MGAT4C: variants seen among roughly 807,000 people sequenced by gnomAD.
The protein encoded by MGAT4C is alpha-1,3-mannosyl-glycoprotein 4-beta-N-acetylglucosaminyltransferase C.
In MGAT4C, 19 loss-of-function variants were observed where a neutral mutation model predicts 40.1. The observed-to-expected ratio is 0.47, with a 90% CI of 0.33 to 0.70. The LOEUF (loss-of-function observed/expected upper bound fraction) is 0.70. Ranked by LOEUF, MGAT4C falls within the 30% of genes least tolerant of loss-of-function variation. The pLI, the probability that MGAT4C is intolerant of heterozygous loss-of-function variation, is 0.02. For missense variants in MGAT4C, 491 were observed against 563.2 expected (o/e 0.87, Z 1.30); for synonymous variants, 181 against 187.1 (o/e 0.97, Z 0.27).
At chr12:86,418,842 A>G (rs1956769353) in intron 3 of MGAT4C, among the ~76,000 whole-genome samples, 1 of 152,056 alleles carries the variant, frequency 6.6e-6, no homozygotes, top group South Asian at 2.1e-4. Context: ...TAGGGAAGGA[A>G]AGAAAATTGA....
chr12:86,534,857 A>G (rs1052492344), intron 2 of MGAT4C, among the ~76,000 whole-genome samples: 3 of 152,050 alleles, frequency 2.0e-5, no homozygotes, highest in African/African-American at 7.2e-5. Flanking sequence ...ATGCTGCTTT[A>G]TGTTTGCAAA....
At chr12:86,457,180 T>C (rs1043616168) in intron 2 of MGAT4C, among the ~76,000 whole-genome samples, 1 of 152,140 alleles carries the variant, frequency 6.6e-6, no homozygotes, top group African/African-American at 2.4e-5. Context: ...ATTTAATATA[T>C]CATCCTTTTT....
chr12:86,467,630 A>G (rs1013262020), intron 2 of MGAT4C, among the ~76,000 whole-genome samples: 3 of 152,194 alleles, frequency 2.0e-5, no homozygotes, highest in African/African-American at 7.2e-5. Flanking sequence ...TATTGCAAAA[A>G]TAAATGCAGA....
At chr12:86,396,630 A>G (rs1000864971) in intron 3 of MGAT4C, among the ~76,000 whole-genome samples, 15 of 152,184 alleles carry the variant, frequency 9.9e-5, no homozygotes, top group Non-Finnish European at 1.6e-4. Context: ...GGGGAGAAGG[A>G]GTGAGATAGG....
At chr12:86,209,311 A>G (rs958300313) in intron 1 of MGAT4C, among the ~76,000 whole-genome samples, 4 of 152,084 alleles carry the variant, frequency 2.6e-5, no homozygotes, top group African/African-American at 9.6e-5. Flanking sequence ...CTTCTGAAAA[A>G]AAATCTCTAA....
chr12:86,620,884 A>T (rs1311971102), intron 2 of MGAT4C, among the ~76,000 whole-genome samples: 2 of 152,100 alleles, frequency 1.3e-5, no homozygotes, highest in Non-Finnish European at 2.9e-5. Context: ...TGCTCCCACC[A>T]TGTAAGACAC....
chr12:86,796,259 C>T (rs572837964), intron 1 of MGAT4C, among the ~76,000 whole-genome samples: 123 of 151,906 alleles, frequency 8.1e-4, no homozygotes, highest in African/African-American at 2.7e-3. Context: ...TTCTTTACTC[C>T]TTCCTTTTCC....
rs1305417852 is a variant in MGAT4C, at chr12:86,667,187, G to A, written c.-229+60022C>T. 2.0e-5 allele frequency among the ~76,000 whole-genome samples: 3 copies of A among 152,148 alleles called. No individual in the cohort carries two copies. The East Asian group carries it at 5.8e-4, about 29-fold the overall frequency. Reference sequence around the variant, plus strand: ...TAAAATATTAAGAGGAGGAGGAAGTGTGAAGACTGAGAATAAAATCAGGTA... The same window carrying A: ...TAAAATATTAAGAGGAGGAGGAAGTATGAAGACTGAGAATAAAATCAGGTA... On this transcript the variant is annotated intron_variant, in intron 2 of 7. Transcript: ENST00000548651.
At chr12:86,312,108 A>G (rs1385160542) in intron 4 of MGAT4C, among the ~76,000 whole-genome samples, 2 of 152,008 alleles carry the variant, frequency 1.3e-5, no homozygotes, top group African/African-American at 4.8e-5. Context: ...TGTGTCCTGC[A>G]TTTTCATTTT....
chr12:86,132,684 C>T (rs1010607791), intron 1 of MGAT4C, among the ~76,000 whole-genome samples: 2 of 150,582 alleles, frequency 1.3e-5, no homozygotes, highest in Non-Finnish European at 1.5e-5. Context: ...CCCAGCTACT[C>T]GGGAGGCTGA....
chr12:86,174,821 C>T lies in MGAT4C; in HGVS notation c.-57+81418G>A, dbSNP rs553883531. On this transcript the variant is annotated intron_variant, in intron 1 of 4. Transcript: ENST00000611864. ...GAAAATGCATTATTTGGTACTCACT[C>T]GTATTTATATTTTCTTCGGTAAGCT... Among the ~76,000 whole-genome samples the T allele has an allele frequency of 8.0e-4, 122 of 152,044 alleles. 1 individual carries two copies. The highest frequency in any genetic ancestry group is 1.3e-3 in the Non-Finnish European group (89 of 67,972).
At chr12:86,110,248 T>G (rs1876994268) in intron 1 of MGAT4C, among the ~76,000 whole-genome samples, 1 of 12,638 alleles carries the variant, frequency 7.9e-5, no homozygotes, top group South Asian at 2.6e-3. Flanking sequence ...TGTAAAACAA[T>G]AAATGAATAT....
chr12:86,552,028 A>C (rs1959390248), intron 2 of MGAT4C, among the ~76,000 whole-genome samples: 1 of 145,434 alleles, frequency 6.9e-6, no homozygotes, highest in South Asian at 2.1e-4. Context: ...AAAAAAAGCA[A>C]AAAAAAAAAA....
At chr12:85,993,642 G>A (rs1886251402) in intron 2 of MGAT4C, among the ~76,000 whole-genome samples, 1 of 152,202 alleles carries the variant, frequency 6.6e-6, no homozygotes, top group African/African-American at 2.4e-5. Context: ...CTGATGTCAG[G>A]AGGGGGCTGC....
chr12:86,397,249 T>C (rs913143895), intron 3 of MGAT4C, among the ~76,000 whole-genome samples: 43 of 152,122 alleles, frequency 2.8e-4, no homozygotes, highest in Admixed American at 4.6e-4. Context: ...TTTGTACATA[T>C]TAATATATAT....
intron 1 of MGAT4C, among the ~76,000 whole-genome samples, chr12:86,083,928 C>G (rs1056996961): frequency 6.6e-6 from 1 of 152,028 alleles, no homozygotes; most frequent in East Asian, 1.9e-4. Flanking sequence ...TTACCACAGT[C>G]AGTAAAAATT....
chr12:86,191,782 G>GTGTC (rs1296990483), intron 1 of MGAT4C, among the ~76,000 whole-genome samples: 2 of 146,900 alleles, frequency 1.4e-5, no homozygotes, highest in Non-Finnish European at 1.5e-5. Context: ...GTGTGTGTGT[G>GTGTC]TGTGTGGTGT....
chr12:86,284,405 C>T (rs1953296147), intron 4 of MGAT4C, among the ~76,000 whole-genome samples: 1 of 151,800 alleles, frequency 6.6e-6, no homozygotes, highest in African/African-American at 2.4e-5. Context: ...GTAGTGATTT[C>T]ACCTATTTCT....
intron 2 of MGAT4C, among the ~76,000 whole-genome samples, chr12:86,515,416 T>C (rs1460618912): frequency 6.6e-6 from 1 of 152,120 alleles, no homozygotes. Context: ...TAATAACTTA[T>C]AAACAAATTC....
Sources: allele counts gnomAD v4.1 joint callset (sites outside exome capture counted in the v4.1 genomes callset), GRCh38; gene constraint gnomAD v4.1.1; transcripts MANE v1.5; gene names NCBI Gene and HGNC (gene_info 2026-07-23, HGNC 2026-07-21).